DNAH3: variants seen among roughly 807,000 people sequenced by gnomAD.
DNAH3 encodes the protein axonemal beta dynein heavy chain 3.
DNAH3 carries 332 observed loss-of-function variants against 432.5 expected under a neutral mutation model. The ratio of observed to expected loss-of-function variants is 0.77; its 90% CI spans 0.70 to 0.84. The LOEUF is 0.84. Among genes scored for constraint, DNAH3 ranks in the 40% least tolerant of loss-of-function variants. The pLI is 0.00. For missense variants in DNAH3, 4,861 were observed against 5,114.0 expected (o/e 0.95, Z 1.51); for synonymous variants, 1,956 against 1,900.2 (o/e 1.03, Z -0.76).
chr16:21,119,344 G>A (rs1174434117), intron 11 of DNAH3, among the ~76,000 whole-genome samples: 4 of 152,018 alleles, frequency 2.6e-5, no homozygotes, highest in African/African-American at 4.8e-5. Flanking sequence ...AAGAACAATC[G>A]CATTCGGCCG....
chr16:21,086,905 T>A (rs367853997), exon 19 of DNAH3: 2 of 1,614,100 alleles, frequency 1.2e-6, no homozygotes, highest in African/African-American at 1.3e-5. Context: ...AGGATGGGAA[T>A]GTACTGCTTG....
intron 8 of DNAH3, among the ~76,000 whole-genome samples, chr16:21,127,171 G>A (rs948009267): frequency 6.6e-5 from 10 of 151,892 alleles, no homozygotes; most frequent in African/African-American, 1.9e-4. Flanking sequence ...AAATGGGGGT[G>A]ACAGCCTCCC....
At chr16:21,020,368 A>AT (rs1491504331) in intron 40 of DNAH3, among the ~76,000 whole-genome samples, 46 of 66,710 alleles carry the variant, frequency 6.9e-4, no homozygotes, top group Non-Finnish European at 1.1e-3. Flanking sequence ...ATATATATAT[A>AT]AAATCACTAT....
At chr16:21,072,211 C>A (rs1165315896) in intron 21 of DNAH3, among the ~76,000 whole-genome samples, 1 of 144,186 alleles carries the variant, frequency 6.9e-6, no homozygotes, top group Non-Finnish European at 1.5e-5. Context: ...AGTTTGGGGA[C>A]CTTTGTTTAA....
chr16:21,152,779 TGCTAGCCCACC>T (rs950472326), intron 1 of DNAH3, among the ~76,000 whole-genome samples: 3 of 152,214 alleles, frequency 2.0e-5, no homozygotes, highest in Non-Finnish European at 4.4e-5. Flanking sequence ...CCCCCAGCAG[TGCTAGCCCACC>T]GGCGCTGCGC....
intron 46 of DNAH3, 98 bp downstream of exon 46, chr16:20,987,593 TAA>T: frequency 6.5e-7 from 1 of 1,540,786 alleles, no homozygotes; most frequent in South Asian, 1.2e-5. Flanking sequence ...TAGCATAGAC[TAA>T]GTGCCTAATA....
At chr16:21,133,694 C>A (rs1275156004) in intron 7 of DNAH3, among the ~76,000 whole-genome samples, 1 of 148,606 alleles carries the variant, frequency 6.7e-6, no homozygotes, top group East Asian at 2.1e-4. Context: ...GAGCCAAGAT[C>A]GCGCCATTGC....
intron 44 of DNAH3, among the ~76,000 whole-genome samples, chr16:20,988,781 T>C (rs1460377656): frequency 2.0e-5 from 3 of 152,206 alleles, no homozygotes; most frequent in Middle Eastern, 6.3e-3. Flanking sequence ...TTACAGCTCT[T>C]AAGGTGGCGC....
chr16:21,151,272 C>T (rs184021049), intron 1 of DNAH3, among the ~76,000 whole-genome samples: 42 of 151,006 alleles, frequency 2.8e-4, no homozygotes, highest in Admixed American at 1.4e-3. Flanking sequence ...GTGTACAGAG[C>T]GATTTGCATA....
At chr16:20,955,519 C>G (rs144157536) in intron 54 of DNAH3, among the ~76,000 whole-genome samples, 1 of 151,348 alleles carries the variant, frequency 6.6e-6, no homozygotes, top group Non-Finnish European at 1.5e-5. Flanking sequence ...AGGCTGGTCT[C>G]GAACTCCAGG....
intron 26 of DNAH3, 28 bp downstream of exon 26, chr16:21,060,236 T>C (rs2090296170): frequency 6.4e-7 from 1 of 1,569,052 alleles, no homozygotes; most frequent in Non-Finnish European, 8.8e-7. Flanking sequence ...ACTAGTGTCC[T>C]GGCATGTGTA....
chr16:21,086,663 G>A (rs1283576665), intron 19 of DNAH3, among the ~76,000 whole-genome samples, 186 bp downstream of exon 19: 1 of 152,196 alleles, frequency 6.6e-6, no homozygotes, highest in Non-Finnish European at 1.5e-5. Flanking sequence ...ACCTGTCCAG[G>A]GGGCAGGGAG....
At chr16:21,103,555 A>AAC (rs140620471) in intron 16 of DNAH3, among the ~76,000 whole-genome samples, 137 of 152,042 alleles carry the variant, frequency 9.0e-4, no homozygotes, top group African/African-American at 3.0e-3. Context: ...CACACTCACA[A>AAC]ACACACACAC....
chr16:21,139,320 C>CTTTTTTTTTTT (rs9302391), intron 5 of DNAH3, among the ~76,000 whole-genome samples: 339 of 29,632 alleles, frequency 0.011, 84 homozygotes, highest in East Asian at 0.021. Context: ...TTTCCTCATG[C>CTTTTTTTTTTT]TTTTTTTTTT....
chr16:21,122,409 TAGCC>T (rs2092362857), intron 9 of DNAH3, among the ~76,000 whole-genome samples: 1 of 151,888 alleles, frequency 6.6e-6, no homozygotes, highest in Admixed American at 6.6e-5. Context: ...CACAAAAAAC[TAGCC>T]AGGCATGGTG....
At chr16:21,061,519 C>T (rs150766396) in intron 25 of DNAH3, among the ~76,000 whole-genome samples, 7 of 152,242 alleles carry the variant, frequency 4.6e-5, no homozygotes, top group African/African-American at 1.4e-4. Context: ...CCACCACGCC[C>T]GGCCCATTTT....
chr16:20,986,500 C>T (rs2086204494), intron 47 of DNAH3, among the ~76,000 whole-genome samples: 1 of 151,964 alleles, frequency 6.6e-6, no homozygotes. Context: ...GAGTGAGGTC[C>T]TACCTCTAAA....
intron 44 of DNAH3, among the ~76,000 whole-genome samples, chr16:20,994,094 G>T (rs564294903): frequency 6.6e-6 from 1 of 151,874 alleles, no homozygotes; most frequent in Non-Finnish European, 1.5e-5. Context: ...TTCAATATTT[G>T]TCATTTTCTC....
intron 27 of DNAH3, among the ~76,000 whole-genome samples, chr16:21,057,727 C>T (rs858199): frequency 0.22 from 32,952 of 151,960 alleles, 3,785 homozygotes; most frequent in East Asian, 0.46. Flanking sequence ...GAGAAGGAGG[C>T]TGTAAAGGAG....
Sources: allele counts gnomAD v4.1 joint callset (sites outside exome capture counted in the v4.1 genomes callset), GRCh38; gene constraint gnomAD v4.1.1; transcripts MANE v1.5; gene names NCBI Gene and HGNC (gene_info 2026-07-23, HGNC 2026-07-21).